Variants in NEGR1 observed in about 807,000 individuals in gnomAD.
NEGR1 encodes neuronal growth regulator 1, also known as IgLON family member 4.
Under a neutral mutation model 40.9 loss-of-function variants are expected in NEGR1, and 10 were observed. The ratio of observed to expected loss-of-function variants is 0.24; its 90% CI spans 0.15 to 0.42. NEGR1 has a LOEUF of 0.42. Ranked by LOEUF, NEGR1 falls within the 10% of genes least tolerant of loss-of-function variation. NEGR1 has a pLI of 1.00. For synonymous variants in NEGR1, 185 were observed against 166.8 expected (o/e 1.11, Z -0.84); for missense variants, 352 against 438.9 (o/e 0.80, Z 1.77).
chr1:71,994,547 C>CAAA (rs1220980287), intron 1 of NEGR1, among the ~76,000 whole-genome samples: 1 of 59,562 alleles, frequency 1.7e-5, no homozygotes, highest in African/African-American at 5.2e-5. Flanking sequence ...ACAAAACAAA[C>CAAA]AAAAAAAAAA....
chr1:71,731,410 A>C (rs2101664552), intron 3 of NEGR1, among the ~76,000 whole-genome samples: 1 of 152,250 alleles, frequency 6.6e-6, no homozygotes, highest in Non-Finnish European at 1.5e-5. Context: ...AGGAGTATTC[A>C]CCCTGGTGTC....
At chr1:71,529,790 T>C (rs1569991428) in intron 6 of NEGR1, among the ~76,000 whole-genome samples, 2 of 151,170 alleles carry the variant, frequency 1.3e-5, no homozygotes, top group East Asian at 1.9e-4. Flanking sequence ...TCATTCATTG[T>C]GAAAAACGCC....
chr1:71,739,213 A>G (rs867226981), intron 3 of NEGR1, among the ~76,000 whole-genome samples: 1 of 150,600 alleles, frequency 6.6e-6, no homozygotes, highest in Admixed American at 6.6e-5. Context: ...AAAAAAAAAA[A>G]AAAACAAAAA....
intron 2 of NEGR1, among the ~76,000 whole-genome samples, chr1:71,876,939 T>G (rs910910946): frequency 6.6e-6 from 1 of 151,990 alleles, no homozygotes; most frequent in African/African-American, 2.4e-5. Flanking sequence ...TGGGTCAGAA[T>G]TAGAAGATAC....
At chr1:71,899,280 T>C (rs963551604) in intron 2 of NEGR1, among the ~76,000 whole-genome samples, 4 of 151,676 alleles carry the variant, frequency 2.6e-5, no homozygotes, top group African/African-American at 9.7e-5. Context: ...AAGAAGTGGG[T>C]TTATGGTTAG....
chr1:72,057,475 TTA>T (rs1216769361), intron 1 of NEGR1, among the ~76,000 whole-genome samples: 1 of 151,402 alleles, frequency 6.6e-6, no homozygotes. Context: ...TTCAATTAAT[TTA>T]TAGTTTGCCA....
chr1:72,140,829 G>T (rs1470439021), intron 1 of NEGR1, among the ~76,000 whole-genome samples: 1 of 151,788 alleles, frequency 6.6e-6, no homozygotes, highest in Non-Finnish European at 1.5e-5. Flanking sequence ...AATTAAGGAA[G>T]AACTTTTTCA....
intron 5 of NEGR1, among the ~76,000 whole-genome samples, chr1:71,593,964 T>C (rs1186866653): frequency 6.6e-6 from 1 of 152,224 alleles, no homozygotes; most frequent in Non-Finnish European, 1.5e-5. Context: ...TACATTGAAT[T>C]GTTTTAAATT....
intron 2 of NEGR1, among the ~76,000 whole-genome samples, chr1:71,808,008 A>C (rs1015450419): frequency 4.6e-5 from 7 of 152,216 alleles, no homozygotes; most frequent in Non-Finnish European, 1.5e-5. Flanking sequence ...ATTTTAAAAT[A>C]TCATTTATTT....
At chr1:71,669,695 G>T (rs1371557922) in intron 4 of NEGR1, among the ~76,000 whole-genome samples, 1 of 151,956 alleles carries the variant, frequency 6.6e-6, no homozygotes. Flanking sequence ...TCTGTTCCCA[G>T]GCTGGAGTGC....
rs1650228659 is a variant in NEGR1, at chr1:71,610,907, AGAG to A, written c.788+116_788+118del. The stretch of plus-strand genomic sequence containing the variant: ...TGGGCCCCTTCAGTTTGCTTGCTGG[AGAG>A]GAGGCTGCTGAGAATCATTCAAGCC... On this transcript the variant is annotated intron_variant, in intron 5 of 6. Coordinates refer to ENST00000357731, the MANE Select transcript of NEGR1 (RefSeq NM_173808.3). 9 of 991,968 alleles carry A rather than the reference AGAG, an allele frequency of 9.1e-6. No individual in the cohort carries two copies. In the South Asian group the frequency reaches 1.5e-4, roughly 17 times the overall value. The allele number at this position is 991,968 out of a possible 1,614,324, so 61.4% of individuals were successfully genotyped here.
At chr1:71,828,408 A>G in intron 2 of NEGR1, among the ~76,000 whole-genome samples, 1 of 152,012 alleles carries the variant, frequency 6.6e-6, no homozygotes, top group African/African-American at 2.4e-5. Context: ...AGAAAATAGC[A>G]CATGTATTTT....
chr1:72,055,810 A>G (rs1557504215), intron 1 of NEGR1, among the ~76,000 whole-genome samples: 1 of 147,102 alleles, frequency 6.8e-6, no homozygotes, highest in African/African-American at 2.5e-5. Flanking sequence ...ATATATATAT[A>G]TAATCTGTAC....
chr1:72,163,654 A>C (rs1651668241), intron 1 of NEGR1, among the ~76,000 whole-genome samples: 1 of 151,938 alleles, frequency 6.6e-6, no homozygotes, highest in Non-Finnish European at 1.5e-5. Context: ...CTAAACATTA[A>C]TTTTGTCCTT....
chr1:71,973,021 G>T (rs1167848656), intron 1 of NEGR1, among the ~76,000 whole-genome samples: 1 of 152,048 alleles, frequency 6.6e-6, no homozygotes, highest in Non-Finnish European at 1.5e-5. Context: ...CAGAAATACC[G>T]AAGTTTTAAA....
intron 2 of NEGR1, among the ~76,000 whole-genome samples, chr1:71,842,620 T>G (rs1285579741): frequency 6.6e-6 from 1 of 152,210 alleles, no homozygotes; most frequent in Non-Finnish European, 1.5e-5. Flanking sequence ...GCATGCATTT[T>G]AGTTACAGCA....
intron 4 of NEGR1, among the ~76,000 whole-genome samples, chr1:71,697,130 C>A (rs919025265): frequency 2.6e-5 from 4 of 151,802 alleles, no homozygotes; most frequent in Non-Finnish European, 5.9e-5. Context: ...ATATTTGGAA[C>A]AATTTCTTCT....
chr1:71,932,062 T>C (rs923695341), intron 2 of NEGR1, among the ~76,000 whole-genome samples: 2 of 152,094 alleles, frequency 1.3e-5, no homozygotes, highest in African/African-American at 4.8e-5. Context: ...AATTATCACA[T>C]TCTCCAAATT....
chr1:71,404,147 T>C lies in NEGR1; in HGVS notation c.*3299A>G, dbSNP rs912544336. The C allele has an allele frequency of 6.2e-6, 1 of 160,486 alleles. No individual in the cohort carries two copies. Among genetic ancestry groups the C allele is most frequent in the South Asian group, 2.1e-4 (1 of 4,788 alleles). The allele number at this position is 160,486 out of a possible 1,614,324, so 9.9% of individuals were successfully genotyped here. Reference sequence around the variant, plus strand: ...AGTTTTCTGACTTCAAATGTAGGGGTATTTATATATATATATATTTTTTTT... The same window carrying C: ...AGTTTTCTGACTTCAAATGTAGGGGCATTTATATATATATATATTTTTTTT... On this transcript the variant is annotated 3_prime_UTR_variant, in exon 7 of 7. Transcript: ENST00000357731.
Sources: gnomAD v4.1 joint callset for allele counts (sites outside exome capture counted in the v4.1 genomes callset) on GRCh38, gnomAD v4.1.1 for gene constraint, MANE v1.5 for transcripts, NCBI Gene and HGNC (gene_info 2026-07-23, HGNC 2026-07-21) for gene names.